Variants in ADAMTS17 observed in about 807,000 individuals in gnomAD.
ADAMTS17 encodes the protein ADAM metallopeptidase with thrombospondin type 1 motif 17.
Under a neutral mutation model 141.5 loss-of-function variants are expected in ADAMTS17, and 113 were observed. The observed-to-expected ratio is 0.80, with a 90% CI of 0.69 to 0.93. The LOEUF (loss-of-function observed/expected upper bound fraction) is 0.93. Among genes scored for constraint, ADAMTS17 ranks in the 40% least tolerant of loss-of-function variants. The probability of loss-of-function intolerance (pLI) is 0.00; values close to 1 mark genes in which losing one functional copy is unlikely to be tolerated. For missense variants in ADAMTS17, 1,659 were observed against 1,517.9 expected (o/e 1.09, Z -1.54); for synonymous variants, 768 against 630.6 (o/e 1.22, Z -3.27).
At chr15:100,304,139 G>C (rs942177899) in intron 3 of ADAMTS17, among the ~76,000 whole-genome samples, 3 of 152,132 alleles carry the variant, frequency 2.0e-5, no homozygotes, top group Non-Finnish European at 4.4e-5. Context: ...AGGCAACCAG[G>C]CTATATCATC....
intron 8 of ADAMTS17, among the ~76,000 whole-genome samples, chr15:100,166,848 G>T (rs577077742): frequency 1.3e-5 from 2 of 152,314 alleles, no homozygotes; most frequent in African/African-American, 4.8e-5. Flanking sequence ...GCACCATCTT[G>T]CACCAGGCAT....
rs768776150 is a variant in ADAMTS17 at position 100,002,615 on chromosome 15, C to T, written c.2592-5026G>A. On this transcript the variant is annotated intron_variant, in intron 18 of 21. Coordinates refer to ENST00000268070, the MANE Select transcript of ADAMTS17 (RefSeq NM_139057.4). ...TGCGGGGAAACAGAGTCAAGAGGAA[C>T]GTGGAAAAAGCAAAAATGTCATTCA... 7.2e-5 allele frequency among the ~76,000 whole-genome samples: 11 copies of T among 151,964 alleles called. 1 individual carries two copies. Among genetic ancestry groups the T allele is most frequent in the South Asian group, 2.1e-4 (1 of 4,822 alleles).
At chr15:100,156,235 C>T (rs1596129555) in intron 8 of ADAMTS17, among the ~76,000 whole-genome samples, 1 of 152,168 alleles carries the variant, frequency 6.6e-6, no homozygotes. Flanking sequence ...GCTCTAGAGC[C>T]ATGTTTTCCT....
chr15:100,034,347 C>T (rs1278699830), intron 18 of ADAMTS17, among the ~76,000 whole-genome samples: 1 of 152,252 alleles, frequency 6.6e-6, no homozygotes, highest in African/African-American at 2.4e-5. Flanking sequence ...TCCCCTTTCC[C>T]TCTAATCTTG....
At chr15:100,103,181 G>A (rs921484908) in intron 14 of ADAMTS17, among the ~76,000 whole-genome samples, 3 of 152,156 alleles carry the variant, frequency 2.0e-5, no homozygotes, top group Non-Finnish European at 4.4e-5. Context: ...TCAGAAAAAA[G>A]GGGTGCAGGG....
At chr15:100,238,977 G>A (rs1399979914) in intron 7 of ADAMTS17, among the ~76,000 whole-genome samples, 1 of 152,198 alleles carries the variant, frequency 6.6e-6, no homozygotes, top group Admixed American at 6.5e-5. Flanking sequence ...TGTAACCCCA[G>A]GTACTCGGGA....
At chr15:100,248,084 A>G (rs1205776719) in intron 7 of ADAMTS17, among the ~76,000 whole-genome samples, 2 of 152,208 alleles carry the variant, frequency 1.3e-5, no homozygotes, top group Admixed American at 6.5e-5. Context: ...GCCCCAGCGC[A>G]CAGACCAGAC....
In ADAMTS17 at chr15:99,997,661, G is replaced by A. The variant is rs113426361; in HGVS notation, c.2592-72C>T. On this transcript the variant is annotated intron_variant, in intron 18 of 21. Coordinates refer to ENST00000268070, the MANE Select transcript of ADAMTS17 (RefSeq NM_139057.4). This position sits in a 1 kb window ranked among gnomAD's most constrained non-coding sequence, Gnocchi z 4.7. Reference sequence around the variant, plus strand: ...AGCCTCTCCGGAGGGCCTTCCGGCCGGATCCTGGAATTGCTGCCCTGTGGT... The same window carrying A: ...AGCCTCTCCGGAGGGCCTTCCGGCCAGATCCTGGAATTGCTGCCCTGTGGT... 56 of 1,591,254 alleles carry A rather than the reference G, an allele frequency of 3.5e-5. No homozygotes were observed. Among genetic ancestry groups the A allele is most frequent in the Middle Eastern group, 2.2e-4 (1 of 4,540 alleles).
intron 7 of ADAMTS17, among the ~76,000 whole-genome samples, chr15:100,213,608 T>C (rs995644503): frequency 5.9e-5 from 9 of 152,320 alleles, no homozygotes; most frequent in Middle Eastern, 3.4e-3. Context: ...CAAACAAAAC[T>C]TGAAGACAAG....
intron 8 of ADAMTS17, among the ~76,000 whole-genome samples, chr15:100,162,412 GTATATATAACTA>G (rs2039736653): frequency 7.0e-6 from 1 of 143,636 alleles, no homozygotes. Flanking sequence ...GTATATATGT[GTATATATAACTA>G]TATAGTTATA....
intron 3 of ADAMTS17, among the ~76,000 whole-genome samples, chr15:100,328,069 A>G (rs1416339302): frequency 6.6e-6 from 1 of 152,202 alleles, no homozygotes; most frequent in African/African-American, 2.4e-5. Context: ...ACCATGTCCA[A>G]GGCTATCATA....
intron 11 of ADAMTS17, among the ~76,000 whole-genome samples, chr15:100,132,910 A>G (rs1017818181): frequency 6.6e-6 from 1 of 152,190 alleles, no homozygotes; most frequent in Non-Finnish European, 1.5e-5. Context: ...ATGGCAGGTG[A>G]TGTTGTTTTT....
At chr15:100,170,490 CA>C (rs2040119415) in intron 8 of ADAMTS17, among the ~76,000 whole-genome samples, 1 of 152,194 alleles carries the variant, frequency 6.6e-6, no homozygotes, top group African/African-American at 2.4e-5. Flanking sequence ...TCTACCTTTG[CA>C]TAATCCAGCC....
At chr15:100,265,257 C>T (rs1360758557) in intron 4 of ADAMTS17, among the ~76,000 whole-genome samples, 1 of 152,230 alleles carries the variant, frequency 6.6e-6, no homozygotes, top group African/African-American at 2.4e-5. Flanking sequence ...AATCCGACGA[C>T]AGCCACAAAA....
intron 4 of ADAMTS17, among the ~76,000 whole-genome samples, chr15:100,273,701 T>C (rs73484114): frequency 0.018 from 2,706 of 152,280 alleles, 61 homozygotes; most frequent in African/African-American, 0.061. Context: ...TCCATAGCAA[T>C]CCAAAGCTAA....
chr15:100,289,316 C>A (rs535189636), intron 3 of ADAMTS17, among the ~76,000 whole-genome samples: 5 of 152,136 alleles, frequency 3.3e-5, no homozygotes, highest in South Asian at 4.2e-4. Context: ...CCTGAAAAAA[C>A]CAAGTTCCAA....
At chr15:100,009,078 G>A (rs551125763) in intron 18 of ADAMTS17, among the ~76,000 whole-genome samples, 11 of 152,208 alleles carry the variant, frequency 7.2e-5, no homozygotes, top group East Asian at 1.9e-4. Flanking sequence ...GGGATCAAGC[G>A]ATCCTCCCTT....
intron 8 of ADAMTS17, among the ~76,000 whole-genome samples, chr15:100,184,656 C>A (rs553574869): frequency 6.6e-6 from 1 of 152,144 alleles, no homozygotes. Flanking sequence ...AGAGGCCCAG[C>A]GTAGGTTGTC....
chr15:100,279,814 C>T (rs556120329), intron 4 of ADAMTS17, among the ~76,000 whole-genome samples: 5 of 152,340 alleles, frequency 3.3e-5, no homozygotes, highest in African/African-American at 1.2e-4. Flanking sequence ...TTGGCTGTTT[C>T]TACAGCTGAG....
Sources: allele counts gnomAD v4.1 joint callset (sites outside exome capture counted in the v4.1 genomes callset), GRCh38; gene constraint gnomAD v4.1.1; non-coding constraint Gnocchi (gnomAD v3.1); transcripts MANE v1.5; gene names NCBI Gene and HGNC (gene_info 2026-07-23, HGNC 2026-07-21).